The following KANSL1 variants were observed in gnomAD, a reference collection of about 807,000 sequenced individuals.
The protein encoded by KANSL1 is KAT8 regulatory NSL complex subunit 1.
Under a neutral mutation model 103.6 loss-of-function variants are expected in KANSL1, and 22 were observed. The observed-to-expected ratio is 0.21, with a 90% confidence interval of 0.15 to 0.30. The LOEUF is 0.30. Among genes scored for constraint, KANSL1 ranks in the 10% least tolerant of loss-of-function variants. The pLI is 1.00. For synonymous variants in KANSL1, 600 were observed against 527.6 expected, an observed-to-expected ratio of 1.14 and a Z score of -1.88; for missense variants, 1,337 against 1,399.8, an observed-to-expected ratio of 0.96 and a Z score of 0.72.
At chr17:46,115,914 G>T (rs1217341412) in intron 2 of KANSL1, among the ~76,000 whole-genome samples, 1 of 152,242 alleles carries the variant, frequency 6.6e-6, no homozygotes, top group Admixed American at 6.5e-5. Context: ...CACCACAGTA[G>T]TTACCAATGT....
Position 46,205,680 on chromosome 17 carries a change from C to CAAA in KANSL1, c.-90+17988_-90+17990dup, listed in dbSNP as rs56154541. On this transcript the variant is annotated intron_variant, in intron 1 of 14. Coordinates refer to the KANSL1 transcript ENST00000572904. ...TAGGTGACAGAATGAGACACTGTCT[C>CAAA]AAAAAAAAAAAAAAAAAAGACTTAG... Among the ~76,000 whole-genome samples, 11 of 93,112 alleles carry CAAA rather than the reference C, an allele frequency of 1.2e-4. 1 individual carries two copies. Among genetic ancestry groups the CAAA allele is most frequent in the Non-Finnish European group, 1.6e-4 (8 of 49,150 alleles). The allele number at this position is 93,112 out of a possible 152,430, so 61.1% of individuals were successfully genotyped here. A position where few individuals can be genotyped will look rare whatever the true frequency, so the allele number is the denominator to read the frequency against.
intron 1 of KANSL1, among the ~76,000 whole-genome samples, chr17:46,181,884 C>CT (rs367659845): frequency 0.14 from 20,061 of 145,536 alleles, 86 homozygotes; most frequent in Middle Eastern, 0.2. Context: ...CCTTCTTCTA[C>CT]TTTTTTTTTT....
chr17:46,147,635 T>C (rs1173983492), intron 2 of KANSL1, among the ~76,000 whole-genome samples: 2 of 148,278 alleles, frequency 1.3e-5, no homozygotes, highest in Non-Finnish European at 3.0e-5. Flanking sequence ...GAGAGAAAGA[T>C]CTCAACTGAT....
chr17:46,039,361 T>G, intron 8 of KANSL1, 146 bp from the exon 9 acceptor site: 1 of 727,392 alleles, frequency 1.4e-6, no homozygotes, highest in Non-Finnish European at 2.1e-6. Context: ...TTTCTAGTAA[T>G]TTGCACAATG....
At position 46,134,781 on chromosome 17, in the gene KANSL1, G is replaced by A. The variant is rs563227320; in HGVS notation, c.1289+36074C>T. Among the ~76,000 whole-genome samples, 127 of 152,256 alleles carry A rather than the reference G, an allele frequency of 8.3e-4. 1 individual carries two copies. The highest frequency in any genetic ancestry group is 2.8e-3 in the African/African-American group (117 of 41,530). On this transcript the variant is annotated intron_variant, in intron 2 of 14. Coordinates refer to ENST00000432791, the MANE Select transcript of KANSL1 (RefSeq NM_015443.4). ...AATCACTTCAATCTGGAAGGCGGAA[G>A]CTGCAGTGAGCTAAGGTGGTGCCAC... is the stretch of plus-strand genomic sequence containing the variant.
chr17:46,096,732 C>A (rs922812011), intron 2 of KANSL1, among the ~76,000 whole-genome samples: 1 of 151,704 alleles, frequency 6.6e-6, no homozygotes, highest in African/African-American at 2.4e-5. Context: ...CATTCTCCTG[C>A]CTCAGCCTCC....
chr17:46,105,004 A>G (rs528154644), intron 2 of KANSL1, among the ~76,000 whole-genome samples: 5 of 152,212 alleles, frequency 3.3e-5, no homozygotes, highest in Admixed American at 2.0e-4. Context: ...TTTAGTAGAA[A>G]CAAGGTTTCA....
intron 4 of KANSL1, among the ~76,000 whole-genome samples, chr17:46,068,390 C>A (rs1171542341): frequency 6.6e-6 from 1 of 151,878 alleles, no homozygotes; most frequent in African/African-American, 2.4e-5. Flanking sequence ...ATGACAAAAC[C>A]CCATCTCTAC....
intron 6 of KANSL1, among the ~76,000 whole-genome samples, chr17:46,062,425 C>T (rs985291686): frequency 2.2e-5 from 3 of 134,592 alleles, no homozygotes; most frequent in Admixed American, 8.6e-5. Flanking sequence ...GTGGCGAGAT[C>T]TCAGCTCACT....
chr17:46,209,945 C>T (rs2048102656), intron 1 of KANSL1, among the ~76,000 whole-genome samples: 1 of 152,278 alleles, frequency 6.6e-6, no homozygotes. Context: ...CAACTTCTGA[C>T]ATATTAGGTA....
chr17:46,192,396 ACAAT>A (rs1279813009), intron 1 of KANSL1: 1 of 152,398 alleles, frequency 6.6e-6, no homozygotes, highest in Non-Finnish European at 1.5e-5. Context: ...AATAAATGAA[ACAAT>A]CAGAGTTGTG....
In KANSL1 at chr17:46,170,936, G is replaced by C. The variant is rs1424473186; in HGVS notation, c.1208C>G (p.Thr403Ser). 1 of 1,614,048 alleles carries C rather than the reference G, an allele frequency of 6.2e-7. No homozygotes were observed. The highest frequency in any genetic ancestry group is 1.3e-5 in the African/African-American group (1 of 74,926). Residue 403 changes from threonine to serine, a missense_variant, in exon 2 of 15, where the codon ACT becomes AGT. Around this residue, in one of 2 missense-constraint regions of KANSL1, gnomAD observed 780 missense variants for 923.4 expected, o/e 0.84. Coordinates refer to ENST00000432791, the MANE Select transcript of KANSL1 (RefSeq NM_015443.4). ...AGACTCCCCTCCTGAACTACTGTCA[G>C]TGACATCTGAATCAAATGCCTGTTC... ...CSEQAFDSDV[T>S]DSSSGGESDI...
intron 1 of KANSL1, among the ~76,000 whole-genome samples, chr17:46,206,083 CAAAAAAA>C (rs71226716): frequency 3.3e-5 from 3 of 89,598 alleles, no homozygotes; most frequent in Non-Finnish European, 6.1e-5. Context: ...CTGTGTCCCC[CAAAAAAA>C]AAAAAAAAAA....
At chr17:46,032,643 C>T (rs998798946) in intron 13 of KANSL1, 1 of 337,706 alleles carries the variant, frequency 3.0e-6, no homozygotes, top group Non-Finnish European at 5.4e-6. Context: ...TTGAGAATCC[C>T]GAGGGTTTCT....
chr17:46,126,302 CGT>C (rs972838875), intron 2 of KANSL1, among the ~76,000 whole-genome samples: 3 of 152,042 alleles, frequency 2.0e-5, no homozygotes, highest in African/African-American at 7.3e-5. Flanking sequence ...ATTAGCTGGG[CGT>C]GGTGATGGGC....
chr17:46,179,680 CAA>C (rs1221892688), intron 1 of KANSL1, among the ~76,000 whole-genome samples: 3 of 152,154 alleles, frequency 2.0e-5, no homozygotes, highest in African/African-American at 7.2e-5. Context: ...AAGGCTAGGA[CAA>C]GAGAATGGTA....
At chr17:46,079,622 C>T (rs1010276069) in intron 4 of KANSL1, among the ~76,000 whole-genome samples, 7 of 152,178 alleles carry the variant, frequency 4.6e-5, no homozygotes, top group Admixed American at 4.6e-4. Context: ...TATTAAAATA[C>T]TGTTAACAGT....
At chr17:46,169,762 A>G (rs2046186279) in intron 2 of KANSL1, among the ~76,000 whole-genome samples, 1 of 152,234 alleles carries the variant, frequency 6.6e-6, no homozygotes, top group Non-Finnish European at 1.5e-5. Context: ...GCTTTATTTA[A>G]TTAAGTACAT....
intron 1 of KANSL1, among the ~76,000 whole-genome samples, chr17:46,176,122 A>G (rs943050567): frequency 2.0e-5 from 3 of 152,228 alleles, no homozygotes; most frequent in Non-Finnish European, 2.9e-5. Flanking sequence ...CAACATGTGA[A>G]GAGTAATTGT....
Sources: allele counts gnomAD v4.1 joint callset (sites outside exome capture counted in the v4.1 genomes callset), GRCh38; gene constraint gnomAD v4.1.1; regional missense constraint gnomAD v4.1.1; transcripts MANE v1.5; gene names NCBI Gene and HGNC (gene_info 2026-07-23, HGNC 2026-07-21).